CDK19: variants seen among roughly 807,000 people sequenced by gnomAD.
CDK19 encodes the protein cyclin dependent kinase 19, also known as cyclin-dependent kinase 19.
Under a neutral mutation model 68.3 loss-of-function variants are expected in CDK19, and 20 were observed. The ratio of observed to expected loss-of-function variants is 0.29; its 90% CI spans 0.21 to 0.43. The LOEUF is 0.43. Ranked by LOEUF, CDK19 falls within the 20% of genes least tolerant of loss-of-function variation. CDK19 has a pLI of 1.00. For missense variants in CDK19, 339 were observed against 623.5 expected, an observed-to-expected ratio of 0.54 and a Z score of 4.86; for synonymous variants, 221 against 222.8, an observed-to-expected ratio of 0.99 and a Z score of 0.07.
chr6:110,812,758 A>G (rs533006462), intron 1 of CDK19, among the ~76,000 whole-genome samples: 37 of 151,494 alleles, frequency 2.4e-4, no homozygotes, highest in Admixed American at 2.3e-3. Flanking sequence ...GTAATCTACC[A>G]TGATCGGAGT....
chr6:110,747,469 TAGA>T (rs1216956897), intron 1 of CDK19, among the ~76,000 whole-genome samples: 4 of 152,154 alleles, frequency 2.6e-5, no homozygotes, highest in African/African-American at 9.7e-5. Flanking sequence ...AAATGATGGC[TAGA>T]AGGTCATTAG....
At chr6:110,649,011 C>G (rs143723964) in intron 4 of CDK19, among the ~76,000 whole-genome samples, 2 of 152,092 alleles carry the variant, frequency 1.3e-5, no homozygotes, top group African/African-American at 2.4e-5. Context: ...TGTGCCTGGC[C>G]GAAACCTTAT....
intron 2 of CDK19, among the ~76,000 whole-genome samples, chr6:110,679,316 T>TAA (rs58934719): frequency 8.0e-5 from 11 of 137,064 alleles, no homozygotes; most frequent in Non-Finnish European, 1.3e-4. Context: ...ACCCTGTCTC[T>TAA]AAAAAAAAAA....
At chr6:110,794,936 G>A (rs1329333291) in intron 1 of CDK19, among the ~76,000 whole-genome samples, 2 of 152,092 alleles carry the variant, frequency 1.3e-5, no homozygotes, top group Admixed American at 6.6e-5. Context: ...GACAAGATTA[G>A]ATAAATATAA....
chr6:110,662,959 GA>G lies in CDK19; in HGVS notation c.456+4474del, dbSNP rs201133988. On this transcript the variant is annotated intron_variant, in intron 4 of 12. Transcript: ENST00000368911. ...ATTTCTGTATTAAATTCTAGGATTC[GA>G]ATGACATAATTAAAATATTGATTCA... Among the ~76,000 whole-genome samples the G allele has an allele frequency of 1.1e-4, 17 of 152,018 alleles. No homozygotes were observed. In the East Asian group the frequency reaches 2.9e-3, roughly 26 times the overall value.
rs557206312 is a variant in CDK19 at position 110,808,718 on chromosome 6, A to G, written c.128+6291T>C. 2.0e-5 allele frequency among the ~76,000 whole-genome samples: 3 copies of G among 152,344 alleles called. No individual in the cohort carries two copies. The East Asian group carries it at 5.8e-4, about 29-fold the overall frequency. ...AAGTGTTAAAGATACTTAATTTTTT[A>G]CCATAAACCCATAAAACCAAAATTT... On this transcript the variant is annotated intron_variant, in intron 1 of 12. Coordinates refer to ENST00000368911, the MANE Select transcript of CDK19 (RefSeq NM_015076.5).
chr6:110,708,500 CTTG>C (rs1774695268), intron 2 of CDK19, among the ~76,000 whole-genome samples: 1 of 152,176 alleles, frequency 6.6e-6, no homozygotes, highest in Non-Finnish European at 1.5e-5. Flanking sequence ...TGTTCCTACT[CTTG>C]TTTCCAGCCC....
chr6:110,746,679 A>C (rs967743685), intron 1 of CDK19, among the ~76,000 whole-genome samples: 1 of 152,078 alleles, frequency 6.6e-6, no homozygotes, highest in African/African-American at 2.4e-5. Flanking sequence ...ACTGTATCTC[A>C]CCTAGCATGG....
chr6:110,814,555 G>A (rs923974100), intron 1 of CDK19: 5 of 455,948 alleles, frequency 1.1e-5, no homozygotes, highest in Non-Finnish European at 2.2e-5. Flanking sequence ...CAGGCTCCCC[G>A]GCGAGGTTTC....
rs369218906 is a variant in CDK19, at chr6:110,779,220, T to C, written c.129-33019A>G. Among the ~76,000 whole-genome samples the C allele has an allele frequency of 1.3e-4, 20 of 152,250 alleles. No homozygotes were observed. The East Asian group carries it at 1.4e-3, about 10-fold the overall frequency. ...ACCTCCAGCCATAAAGAACCAATTA[T>C]AGACTTCTAATACCACCCTGCCTTT... On this transcript the variant is annotated intron_variant, in intron 1 of 12. Transcript: ENST00000368911.
intron 8 of CDK19, among the ~76,000 whole-genome samples, chr6:110,623,927 G>A (rs1483932903): frequency 2.1e-5 from 3 of 144,632 alleles, no homozygotes; most frequent in Non-Finnish European, 4.5e-5. Flanking sequence ...ATATATACGT[G>A]TATATATATA....
intron 1 of CDK19, among the ~76,000 whole-genome samples, chr6:110,763,588 T>A (rs993488809): frequency 6.6e-6 from 1 of 152,058 alleles, no homozygotes; most frequent in African/African-American, 2.4e-5. Flanking sequence ...GCTAATTTTG[T>A]ATTTTTAGTA....
chr6:110,641,866 G>T (rs1780211515), intron 4 of CDK19, among the ~76,000 whole-genome samples: 1 of 152,136 alleles, frequency 6.6e-6, no homozygotes. Context: ...GAGTTTTCAG[G>T]CTCATGGAAC....
chr6:110,650,297 G>A (rs1780882140), intron 4 of CDK19, among the ~76,000 whole-genome samples: 1 of 152,154 alleles, frequency 6.6e-6, no homozygotes, highest in Non-Finnish European at 1.5e-5. Context: ...GAGGAGCCAG[G>A]AGGATAGAAC....
At chr6:110,783,375 C>T (rs1204803615) in intron 1 of CDK19, among the ~76,000 whole-genome samples, 1 of 152,146 alleles carries the variant, frequency 6.6e-6, no homozygotes, top group Non-Finnish European at 1.5e-5. Context: ...CTGTGGCTCA[C>T]ACCTGTAATT....
At chr6:110,797,700 A>G (rs1163539879) in intron 1 of CDK19, among the ~76,000 whole-genome samples, 2 of 152,212 alleles carry the variant, frequency 1.3e-5, no homozygotes, top group African/African-American at 4.8e-5. Flanking sequence ...TGAAAAATAT[A>G]TAGGCAGGGC....
At chr6:110,748,671 C>T (rs1004723761) in intron 1 of CDK19, among the ~76,000 whole-genome samples, 6 of 152,156 alleles carry the variant, frequency 3.9e-5, no homozygotes, top group African/African-American at 1.4e-4. Context: ...TGGGCATATG[C>T]CAACACCTTA....
intron 12 of CDK19, among the ~76,000 whole-genome samples, chr6:110,617,662 T>TATATACACACACACACAC (rs755618032): frequency 1.6e-4 from 17 of 107,154 alleles, no homozygotes; most frequent in South Asian, 3.2e-4. Context: ...TATATATATA[T>TATATACACACACACACAC]ACACACACAC....
intron 4 of CDK19, among the ~76,000 whole-genome samples, chr6:110,664,642 T>C (rs1282487840): frequency 6.6e-6 from 1 of 152,198 alleles, no homozygotes; most frequent in African/African-American, 2.4e-5. Context: ...ACCTATTGTG[T>C]ACAGGGGCAG....
Sources: gnomAD v4.1 joint callset for allele counts (sites outside exome capture counted in the v4.1 genomes callset) on GRCh38, gnomAD v4.1.1 for gene constraint, MANE v1.5 for transcripts, NCBI Gene and HGNC (gene_info 2026-07-23, HGNC 2026-07-21) for gene names.